The following CHN2 variants were observed in gnomAD, a reference collection of about 807,000 sequenced individuals.
CHN2 encodes the protein beta-chimaerin.
A neutral mutation model predicts 56.3 loss-of-function variants in CHN2; 35 were observed. The ratio of observed to expected loss-of-function variants is 0.62; its 90% CI spans 0.47 to 0.82. The LOEUF is 0.82. Ranked by LOEUF, CHN2 falls within the 40% of genes least tolerant of loss-of-function variation. The pLI is 0.00. For synonymous variants in CHN2, 210 were observed against 212.8 expected (o/e 0.99, Z 0.12); for missense variants, 491 against 580.5 (o/e 0.85, Z 1.58).
At chr7:29,455,817 T>C (rs1784709487) in intron 6 of CHN2, among the ~76,000 whole-genome samples, 1 of 152,110 alleles carries the variant, frequency 6.6e-6, no homozygotes. Context: ...TGGGAACCTG[T>C]TTTCATGGGC....
chr7:29,367,219 G>A (rs1799232893), intron 2 of CHN2, among the ~76,000 whole-genome samples: 1 of 152,048 alleles, frequency 6.6e-6, no homozygotes. Context: ...ATAATTGTCT[G>A]ATAGATTGCT....
At chr7:29,410,315 T>G (rs918403223) in intron 6 of CHN2, among the ~76,000 whole-genome samples, 1 of 152,096 alleles carries the variant, frequency 6.6e-6, no homozygotes, top group African/African-American at 2.4e-5. Flanking sequence ...TTTTTGTCTT[T>G]TTAGTAATTA....
chr7:29,171,987 C>G (rs1185675997), intron 2 of CHN2, among the ~76,000 whole-genome samples: 1 of 152,114 alleles, frequency 6.6e-6, no homozygotes, highest in Non-Finnish European at 1.5e-5. Flanking sequence ...GTGCACAATG[C>G]AGGGTGCAGT....
chr7:29,477,885 T>G (rs1293776447), intron 6 of CHN2, among the ~76,000 whole-genome samples: 2 of 152,240 alleles, frequency 1.3e-5, no homozygotes, highest in African/African-American at 4.8e-5. Context: ...ACATGTGCTT[T>G]CTAGCAACTT....
At chr7:29,498,904 G>C (rs908267172) in intron 8 of CHN2, among the ~76,000 whole-genome samples, 2 of 151,966 alleles carry the variant, frequency 1.3e-5, no homozygotes, top group African/African-American at 4.8e-5. Flanking sequence ...TGGGATTACA[G>C]GGGTCCACCA....
chr7:29,269,842 T>A (rs949127056), intron 1 of CHN2, among the ~76,000 whole-genome samples: 1 of 152,206 alleles, frequency 6.6e-6, no homozygotes, highest in Non-Finnish European at 1.5e-5. Flanking sequence ...CTTTTCCAGT[T>A]AATGACCGTG....
intron 1 of CHN2, among the ~76,000 whole-genome samples, chr7:29,328,894 A>G (rs1315963568): frequency 6.6e-6 from 1 of 152,186 alleles, no homozygotes. Flanking sequence ...AAGTTTTGCA[A>G]TAACTGCTGT....
At chr7:29,426,503 T>C (rs1168823605) in intron 6 of CHN2, among the ~76,000 whole-genome samples, 1 of 152,196 alleles carries the variant, frequency 6.6e-6, no homozygotes, top group Non-Finnish European at 1.5e-5. Flanking sequence ...GCCCCTAGAT[T>C]CCTTCCATGA....
At position 29,393,757 on chromosome 7, in the gene CHN2, T is replaced by C. The variant is rs761887204; in HGVS notation, c.176+47T>C. On this transcript the variant is annotated intron_variant, in intron 4 of 12. Coordinates refer to ENST00000222792, the MANE Select transcript of CHN2 (RefSeq NM_004067.4). ...GTTTTAATAATTTAATAAGTAGTCA[T>C]TTCATGTGTCATTTAAATATTACAA... is the stretch of plus-strand genomic sequence containing the variant. 1.4e-5 allele frequency: 9 copies of C among 639,982 alleles called. No homozygotes were observed. The Admixed American group carries it at 2.9e-4, about 21-fold the overall frequency. The allele number at this position is 639,982 out of a possible 1,614,324, so 39.6% of individuals were successfully genotyped here. A position where few individuals can be genotyped will look rare whatever the true frequency, so the allele number is the denominator to read the frequency against.
At chr7:29,158,843 T>C (rs1445782737) in intron 2 of CHN2, among the ~76,000 whole-genome samples, 1 of 152,226 alleles carries the variant, frequency 6.6e-6, no homozygotes, top group Non-Finnish European at 1.5e-5. Context: ...GAGATACTTC[T>C]GACATTCCAA....
intron 5 of CHN2, 138 bp downstream of exon 5, chr7:29,398,624 TC>T: frequency 1.6e-6 from 1 of 615,350 alleles, no homozygotes; most frequent in Non-Finnish European, 2.9e-6. Flanking sequence ...GAGGGGGGGG[TC>T]CCACTCTCTC....
chr7:29,457,388 C>T (rs1330086023), intron 6 of CHN2, among the ~76,000 whole-genome samples: 4 of 152,132 alleles, frequency 2.6e-5, no homozygotes, highest in Admixed American at 1.3e-4. Flanking sequence ...TTGTCATCAG[C>T]CCCCAGGCCG....
chr7:29,365,122 A>G (rs1211190432), intron 2 of CHN2, among the ~76,000 whole-genome samples: 1 of 152,226 alleles, frequency 6.6e-6, no homozygotes, highest in East Asian at 1.9e-4. Context: ...AAGACGTACC[A>G]TAGTTAATTT....
At chr7:29,387,044 A>G (rs1800968088) in intron 3 of CHN2, among the ~76,000 whole-genome samples, 1 of 152,206 alleles carries the variant, frequency 6.6e-6, no homozygotes, top group Non-Finnish European at 1.5e-5. Flanking sequence ...CAGCCACTTA[A>G]CTAGCTCTGT....
intron 2 of CHN2, among the ~76,000 whole-genome samples, chr7:29,365,708 A>G (rs1024887189): frequency 1.3e-5 from 2 of 152,232 alleles, no homozygotes; most frequent in Non-Finnish European, 1.5e-5. Context: ...AGCAGAGAGC[A>G]TGACACATGG....
upstream of CHN2, among the ~76,000 whole-genome samples, chr7:29,189,839 A>G (rs751395359): frequency 2.0e-4 from 30 of 152,182 alleles, no homozygotes; most frequent in Admixed American, 4.6e-4. Context: ...GCCCCCCTGC[A>G]GCTCAGTGAG....
intron 2 of CHN2, among the ~76,000 whole-genome samples, chr7:29,176,764 T>TA (rs1433538231): frequency 6.6e-6 from 1 of 152,158 alleles, no homozygotes; most frequent in African/African-American, 2.4e-5. Context: ...TTCTGGTGTT[T>TA]AAAAAACGAG....
rs548016230 is a variant in CHN2 at position 29,233,182 on chromosome 7, C to T, written c.49+38192C>T. ...ATGACCTGGGCAGGAAACACAGGTT[C>T]TTTGTGCCTCATTTCCTTTTCTCTA... On this transcript the variant is annotated intron_variant, in intron 1 of 12. Coordinates refer to ENST00000222792, the MANE Select transcript of CHN2 (RefSeq NM_004067.4). Among the ~76,000 whole-genome samples, 11 of 152,294 alleles carry T rather than the reference C, an allele frequency of 7.2e-5. No individual in the cohort carries two copies. In the South Asian group the frequency reaches 2.3e-3, roughly 32 times the overall value.
intron 1 of CHN2, among the ~76,000 whole-genome samples, chr7:29,334,913 A>G (rs184944749): frequency 6.6e-6 from 1 of 152,302 alleles, no homozygotes; most frequent in Non-Finnish European, 1.5e-5. Flanking sequence ...GCAGGAGTGT[A>G]TTTGTATACT....
Sources: gnomAD v4.1 joint callset for allele counts (sites outside exome capture counted in the v4.1 genomes callset) on GRCh38, gnomAD v4.1.1 for gene constraint, MANE v1.5 for transcripts, NCBI Gene and HGNC (gene_info 2026-07-23, HGNC 2026-07-21) for gene names.